Variants in KRT26 observed in about 807,000 individuals in gnomAD.
The protein encoded by KRT26 is keratin 26.
Under a neutral mutation model 46.1 loss-of-function variants are expected in KRT26, and 45 were observed. That is an observed-to-expected ratio of 0.98 (90% confidence interval 0.77 to 1.25). KRT26 has a LOEUF of 1.25. KRT26 is among the 50% of genes most tolerant of loss of function. The pLI, the probability that KRT26 is intolerant of heterozygous loss-of-function variation, is 0.00. For missense variants in KRT26, 582 were observed against 560.1 expected, an observed-to-expected ratio of 1.04 and a Z score of -0.39; for synonymous variants, 191 against 209.9, an observed-to-expected ratio of 0.91 and a Z score of 0.78.
chr17:40,767,444 A>G (rs2038180773), intron 7 of KRT26, 142 bp downstream of exon 7: 1 of 455,590 alleles, frequency 2.2e-6, no homozygotes, highest in Non-Finnish European at 3.9e-6. Flanking sequence ...AATATTAAGA[A>G]CTATCATAAT....
At chr17:40,768,165 G>T (rs1385347886) in intron 6 of KRT26, among the ~76,000 whole-genome samples, 2 of 152,218 alleles carry the variant, frequency 1.3e-5, no homozygotes, top group Non-Finnish European at 2.9e-5. Context: ...GAGGGCTGAT[G>T]GGCCTTGGAG....
At chr17:40,770,009 G>A in exon 4 of KRT26, 2 of 1,614,144 alleles carry the variant, frequency 1.2e-6, no homozygotes, top group Middle Eastern at 1.6e-4. Flanking sequence ...GCTCAGCCAA[G>A]TCCTCATACT....
chr17:40,769,004 T>C lies in KRT26; in HGVS notation c.1062A>G (p.Glu354=), dbSNP rs1182815363. ...TTTCTGTTCGAATCTGTTGCAGTTG[T>C]TCCTCCATCACCCCTATCTGATCCT... Residue 354 remains glutamate, a synonymous_variant, in exon 6 of 8, where the codon GAA becomes GAG. Coordinates refer to ENST00000335552, the Ensembl canonical transcript of KRT26. The C allele has an allele frequency of 1.9e-6, 3 of 1,613,968 alleles. No individual in the cohort carries two copies. The South Asian group carries it at 3.3e-5, about 18-fold the overall frequency.
Position 40,769,012 on chromosome 17 carries a change from T to TCACC in KRT26, c.1050_1053dup (p.Met352GlyfsTer21). 1 of 1,614,078 alleles carries TCACC rather than the reference T, an allele frequency of 6.2e-7. No individual in the cohort carries two copies. Among genetic ancestry groups the TCACC allele is most frequent in the Non-Finnish European group, 8.5e-7 (1 of 1,179,958 alleles). On this transcript the variant is annotated frameshift_variant, in exon 6 of 8. Coordinates refer to ENST00000335552, the Ensembl canonical transcript of KRT26. LOFTEE classifies it high-confidence loss of function. ...CGAATCTGTTGCAGTTGTTCCTCCA[T>TCACC]CACCCCTATCTGATCCTGAATTTGC... is the stretch of plus-strand genomic sequence containing the variant.
exon 8 of KRT26, chr17:40,766,396 C>G: frequency 7.7e-6 from 6 of 779,758 alleles, no homozygotes; most frequent in Non-Finnish European, 1.2e-5. Flanking sequence ...CTTTTAAGAA[C>G]AGAAATGAAT....
rs2038175122 is a variant in KRT26, at chr17:40,766,677, A to G, written c.1256-11T>C. The G allele has an allele frequency of 3.8e-6, 6 of 1,595,724 alleles. No individual in the cohort carries two copies. Among genetic ancestry groups the G allele is most frequent in the Non-Finnish European group, 5.1e-6 (6 of 1,167,410 alleles). ...TTTCTTCTGTTGAGTCTAAAATAAA[A>G]TAAATAAAACATTAGTGGTCATTTT... On this transcript the variant is annotated splice_polypyrimidine_tract_variant and intron_variant, in intron 7 of 7. Transcript: ENST00000335552.
At chr17:40,768,765 A>T in intron 6 of KRT26, 114 bp downstream of exon 6, 2 of 592,144 alleles carry the variant, frequency 3.4e-6, no homozygotes, top group Non-Finnish European at 5.8e-6. Flanking sequence ...CCTGAGGATA[A>T]ATATGTATGA....
rs139886898 is a variant in KRT26, at chr17:40,771,814, A to G, written c.300T>C (p.His100=). Residue 100 remains histidine, a synonymous_variant, in exon 1 of 8, where the codon CAT becomes CAC. Coordinates refer to ENST00000335552, the Ensembl canonical transcript of KRT26. ...CGTTGGCCTCCTCTAGAGCATGCACATGGTCCAGGTAGGATGCCAGGCGGT... is the reference window on the plus strand; with the variant it reads ...CGTTGGCCTCCTCTAGAGCATGCACGTGGTCCAGGTAGGATGCCAGGCGGT... 23 of 1,614,040 alleles carry G rather than the reference A, an allele frequency of 1.4e-5. No homozygotes were observed. The East Asian group carries it at 2.0e-4, about 14-fold the overall frequency.
Position 40,768,412 on chromosome 17 carries a change from C to T in KRT26, c.1187+467G>A, listed in dbSNP as rs1029159930. ...CTCATAATTCACCCAGTATTTGATTCACAGCCAGGGCTGCAATTCCAGGGC... is the reference window on the plus strand; with the variant it reads ...CTCATAATTCACCCAGTATTTGATTTACAGCCAGGGCTGCAATTCCAGGGC... On this transcript the variant is annotated intron_variant, in intron 6 of 7. Coordinates refer to ENST00000335552, the Ensembl canonical transcript of KRT26. 7.2e-5 allele frequency among the ~76,000 whole-genome samples: 11 copies of T among 152,214 alleles called. No homozygotes were observed. In the East Asian group the frequency reaches 1.3e-3, roughly 19 times the overall value.
chr17:40,769,086 T>A (rs771482758), exon 6 of KRT26: 2 of 1,612,070 alleles, frequency 1.2e-6, no homozygotes, highest in Admixed American at 3.3e-5. Flanking sequence ...GGAGCATTCA[T>A]AGGAATGTTT....
intron 2 of KRT26, among the ~76,000 whole-genome samples, 156 bp from the exon 3 acceptor site, chr17:40,770,565 C>A (rs2038215126): frequency 6.6e-6 from 1 of 152,236 alleles, no homozygotes; most frequent in Admixed American, 6.5e-5. Flanking sequence ...AGATACCTAA[C>A]AATTCATGAA....
intron 3 of KRT26, 52 bp from the exon 4 acceptor site, chr17:40,770,174 A>G (rs371719816): frequency 8.1e-6 from 13 of 1,612,996 alleles, no homozygotes; most frequent in Non-Finnish European, 1.1e-5. Context: ...ATTGATGTTC[A>G]TGCCCTGCTA....
chr17:40,771,440 G>T (rs1317115354), intron 1 of KRT26, among the ~76,000 whole-genome samples: 1 of 152,120 alleles, frequency 6.6e-6, no homozygotes, highest in Non-Finnish European at 1.5e-5. Flanking sequence ...TTGATCAAAT[G>T]GTATGAGCTA....
At position 40,772,008 on chromosome 17, in the gene KRT26, C is replaced by T. The variant is rs190195527; in HGVS notation, c.106G>A (p.Gly36Arg). ...GAAAAGCTGCTTCTTGCTCCCGATC[C>T]AACACACACATTCCCAGCCACGAAG... The change falls in exon 1 of 8, where the codon GGA (glycine) becomes AGA (arginine). Residue 36 changes from glycine (G) to arginine (R), a missense_variant. Gly to Arg is a moderately radical substitution (Grantham distance 125). Transcript: ENST00000335552. 2.6e-5 allele frequency: 42 copies of T among 1,614,138 alleles called. No individual in the cohort carries two copies. The African/African-American group carries it at 4.5e-4, about 17-fold the overall frequency.
At chr17:40,771,719 T>A in exon 1 of KRT26, 1 of 1,614,272 alleles carries the variant, frequency 6.2e-7, no homozygotes, top group South Asian at 1.1e-5. Context: ...GCTATAGTCA[T>A]GATCGTGTTC....
Position 40,770,235 on chromosome 17 carries a change from C to T in KRT26, c.681+18G>A. ...GGAAATTAGAAACTGTATGAAGCCACTCTGCAGGCTTCCTTACCTCCTCAT... is the reference window on the plus strand; with the variant it reads ...GGAAATTAGAAACTGTATGAAGCCATTCTGCAGGCTTCCTTACCTCCTCAT... On this transcript the variant is annotated intron_variant, in intron 3 of 7. Transcript: ENST00000335552. 1.2e-6 allele frequency: 2 copies of T among 1,613,878 alleles called. No homozygotes were observed. The highest frequency in any genetic ancestry group is 1.7e-6 in the Non-Finnish European group (2 of 1,179,766).
chr17:40,770,669 A>G (rs1240089518), intron 2 of KRT26, among the ~76,000 whole-genome samples: 5 of 152,174 alleles, frequency 3.3e-5, no homozygotes, highest in Admixed American at 6.5e-5. Flanking sequence ...TAGATTTTAA[A>G]AAATATGTGA....
chr17:40,767,868 G>T (rs1434452802), intron 6 of KRT26, among the ~76,000 whole-genome samples: 1 of 152,144 alleles, frequency 6.6e-6, no homozygotes, highest in African/African-American at 2.4e-5. Flanking sequence ...CTCATGACCA[G>T]AAATTACCTC....
chr17:40,769,028 C>T, exon 6 of KRT26: 1 of 1,613,980 alleles, frequency 6.2e-7, no homozygotes, highest in Non-Finnish European at 8.5e-7. Flanking sequence ...CTATCTGATC[C>T]TGAATTTGCT....
Sources: allele counts gnomAD v4.1 joint callset (sites outside exome capture counted in the v4.1 genomes callset), GRCh38; gene constraint gnomAD v4.1.1; transcripts MANE v1.5; gene names NCBI Gene and HGNC (gene_info 2026-07-23, HGNC 2026-07-21).